The following CALD1 variants were observed in gnomAD, a reference collection of about 807,000 sequenced individuals.
CALD1 encodes caldesmon 1.
A neutral mutation model predicts 99.9 loss-of-function variants in CALD1; 33 were observed. The ratio of observed to expected loss-of-function variants is 0.33; its 90% confidence interval spans 0.25 to 0.44. The LOEUF (loss-of-function observed/expected upper bound fraction) is 0.44, where lower values mean the gene tolerates loss of function less well. CALD1 is among the 20% of genes least tolerant of loss of function. The probability of loss-of-function intolerance (pLI) is 1.00; values close to 1 mark genes in which losing one functional copy is unlikely to be tolerated. For missense variants in CALD1, 861 were observed against 962.1 expected (o/e 0.89, Z 1.39); for synonymous variants, 310 against 325.0 (o/e 0.95, Z 0.50).
chr7:134,877,825 T>G (rs1801419517), intron 3 of CALD1, among the ~76,000 whole-genome samples: 1 of 152,196 alleles, frequency 6.6e-6, no homozygotes, highest in East Asian at 1.9e-4. Flanking sequence ...ACATTATATA[T>G]AAATATTGTA....
the CALD1 span, among the ~76,000 whole-genome samples, chr7:134,713,955 G>A: frequency 6.6e-6 from 1 of 152,116 alleles, no homozygotes; most frequent in Non-Finnish European, 1.5e-5. Flanking sequence ...GGGCCTGGTG[G>A]GAGGTGATGG....
chr7:134,770,394 G>A (rs1212726599), intron 1 of CALD1, among the ~76,000 whole-genome samples: 1 of 152,208 alleles, frequency 6.6e-6, no homozygotes, highest in Non-Finnish European at 1.5e-5. Context: ...GAGGCCAGGA[G>A]TACAAAATCA....
At chr7:134,715,547 A>G in the CALD1 span, among the ~76,000 whole-genome samples, 1 of 152,212 alleles carries the variant, frequency 6.6e-6, no homozygotes, top group Non-Finnish European at 1.5e-5. Context: ...ACAAGTGGAC[A>G]TGTTATGCAT....
chr7:134,900,185 C>T (rs1023022148), intron 3 of CALD1: 1 of 152,190 alleles, frequency 6.6e-6, no homozygotes, highest in African/African-American at 2.4e-5. Context: ...CACTGCTCAT[C>T]AGCACTTAGT....
chr7:134,884,380 T>G (rs1207226228), intron 3 of CALD1, among the ~76,000 whole-genome samples: 24 of 152,222 alleles, frequency 1.6e-4, no homozygotes, highest in Non-Finnish European at 2.2e-4. Context: ...CGCTTTGCTC[T>G]GACTTCACAC....
At chr7:134,929,646 G>GTGTATATATATATA (rs1488854871) in intron 4 of CALD1, among the ~76,000 whole-genome samples, 1 of 7,916 alleles carries the variant, frequency 1.3e-4, no homozygotes, top group African/African-American at 3.1e-4. Context: ...GTGTGTGTGT[G>GTGTATATATATATA]TATATATATA....
At chr7:134,754,193 G>T (rs1338639770) in intron 1 of CALD1, among the ~76,000 whole-genome samples, 2 of 152,170 alleles carry the variant, frequency 1.3e-5, no homozygotes, top group African/African-American at 4.8e-5. Flanking sequence ...GTGACTAGGG[G>T]GTAGGTTCCT....
intron 1 of CALD1, among the ~76,000 whole-genome samples, chr7:134,831,307 T>G (rs185992180): frequency 2.0e-5 from 3 of 152,254 alleles, no homozygotes; most frequent in Admixed American, 6.5e-5. Flanking sequence ...ACTTTAGAAT[T>G]ATTTTCTGCA....
intron 2 of CALD1, among the ~76,000 whole-genome samples, chr7:134,861,579 G>T (rs192674809): frequency 2.8e-4 from 43 of 152,336 alleles, no homozygotes; most frequent in Non-Finnish European, 5.3e-4. Context: ...CTTTAAAGAA[G>T]CAAGAAAGTC....
chr7:134,763,543 C>G (rs763793867), intron 1 of CALD1, among the ~76,000 whole-genome samples: 57 of 152,254 alleles, frequency 3.7e-4, no homozygotes, highest in Admixed American at 7.2e-4. Flanking sequence ...TCCCTAACAC[C>G]TCTTTCTCTG....
At chr7:134,935,160 T>C (rs1805862819) in intron 5 of CALD1, among the ~76,000 whole-genome samples, 1 of 152,004 alleles carries the variant, frequency 6.6e-6, no homozygotes, top group Admixed American at 6.6e-5. Context: ...GTGGAAATAG[T>C]AGGGGGGAAA....
At chr7:134,912,134 G>A (rs1344044898) in intron 3 of CALD1, among the ~76,000 whole-genome samples, 1 of 152,220 alleles carries the variant, frequency 6.6e-6, no homozygotes, top group East Asian at 1.9e-4. Context: ...TGTTCGTTAT[G>A]CTTTCTGGCA....
chr7:134,781,731 G>C (rs1426832727), intron 1 of CALD1, among the ~76,000 whole-genome samples: 1 of 152,148 alleles, frequency 6.6e-6, no homozygotes, highest in South Asian at 2.1e-4. Context: ...TAAAGTGCAG[G>C]GTTGTTTCAA....
chr7:134,841,499 C>T (rs1011323983), intron 1 of CALD1, among the ~76,000 whole-genome samples: 1 of 152,146 alleles, frequency 6.6e-6, no homozygotes, highest in Non-Finnish European at 1.5e-5. Flanking sequence ...TGTAGCTTTT[C>T]ATTTTTCTGT....
At chr7:134,837,808 C>T (rs984481567) in intron 1 of CALD1, among the ~76,000 whole-genome samples, 48 of 152,186 alleles carry the variant, frequency 3.2e-4, no homozygotes, top group African/African-American at 1.1e-3. Flanking sequence ...GAAAAAAACC[C>T]TTCAGCGTAG....
intron 1 of CALD1, among the ~76,000 whole-genome samples, chr7:134,822,964 G>A (rs1798840494): frequency 1.3e-5 from 2 of 152,110 alleles, no homozygotes; most frequent in Admixed American, 1.3e-4. Context: ...CTGTACTCAA[G>A]TCAACAATGT....
chr7:134,766,906 G>A (rs1796831478), intron 1 of CALD1, among the ~76,000 whole-genome samples: 1 of 152,240 alleles, frequency 6.6e-6, no homozygotes, highest in East Asian at 1.9e-4. Flanking sequence ...GACAAAGAAT[G>A]GGGAGGGGCT....
In CALD1 at chr7:134,826,895, A is replaced by C. The variant is rs896204378; in HGVS notation, c.-129-16989A>C. On this transcript the variant is annotated intron_variant, in intron 1 of 14. Transcript: ENST00000361675. ...TACCTGCTTAACTCTGAGCATGGAA[A>C]AGTTCTTTTTTTCTTCATTCCCACA... 3.3e-5 allele frequency among the ~76,000 whole-genome samples: 5 copies of C among 152,138 alleles called. No individual in the cohort carries two copies. The East Asian group carries it at 9.6e-4, about 29-fold the overall frequency.
intron 11 of CALD1, among the ~76,000 whole-genome samples, chr7:134,959,063 G>C (rs1808046076): frequency 6.6e-6 from 1 of 151,166 alleles, no homozygotes; most frequent in Admixed American, 6.6e-5. Context: ...ATTTTTCATA[G>C]CACTTAGCAC....
Sources: gnomAD v4.1 joint callset for allele counts (sites outside exome capture counted in the v4.1 genomes callset) on GRCh38, gnomAD v4.1.1 for gene constraint, MANE v1.5 for transcripts, NCBI Gene and HGNC (gene_info 2026-07-23, HGNC 2026-07-21) for gene names.